The following CAMK1D variants were observed in gnomAD, a reference collection of about 807,000 sequenced individuals.
CAMK1D encodes the protein calcium/calmodulin-dependent protein kinase type 1D.
CAMK1D carries 9 observed loss-of-function variants against 47.7 expected under a neutral mutation model. The ratio of observed to expected loss-of-function variants is 0.19; its 90% confidence interval spans 0.11 to 0.33. CAMK1D has a LOEUF of 0.33. CAMK1D is among the 10% of genes least tolerant of loss of function. The pLI is 1.00. For missense variants in CAMK1D, 291 were observed against 488.7 expected, an observed-to-expected ratio of 0.60 and a Z score of 3.81; for synonymous variants, 184 against 184.9, an observed-to-expected ratio of 0.99 and a Z score of 0.04.
intron 1 of CAMK1D, among the ~76,000 whole-genome samples, chr10:12,504,742 G>GCCA (rs1484249591): frequency 6.6e-5 from 10 of 152,196 alleles, no homozygotes; most frequent in South Asian, 2.1e-4. Flanking sequence ...GTACCTTTAG[G>GCCA]CTACTTTCTC....
chr10:12,791,016 G>A (rs1588932260), intron 5 of CAMK1D, 142 bp from the exon 6 acceptor site: 1 of 628,128 alleles, frequency 1.6e-6, no homozygotes. Flanking sequence ...AAAAAAAAAA[G>A]CCAACACATA....
Position 12,415,461 on chromosome 10 carries a change from T to C in CAMK1D, c.92+65551T>C, listed in dbSNP as rs868028745. 2.5e-3 allele frequency among the ~76,000 whole-genome samples: 357 copies of C among 144,018 alleles called. 2 individuals are homozygous for C. The highest frequency in any genetic ancestry group is 8.5e-3 in the African/African-American group (341 of 39,988). 94.5% of individuals were successfully genotyped at this position (144,018 alleles called of 152,430 possible). ...CCACCACCACGCCTGGCTAATTTTT[T>C]TTTTTTTTTTTTTTTTTTAGTAGAG... On this transcript the variant is annotated intron_variant, in intron 1 of 10. Transcript: ENST00000619168.
chr10:12,558,718 G>A (rs1266241885), intron 2 of CAMK1D, among the ~76,000 whole-genome samples: 2 of 152,154 alleles, frequency 1.3e-5, no homozygotes, highest in Admixed American at 1.3e-4. Flanking sequence ...TGTGTCTGGA[G>A]CAGCCCATTT....
chr10:12,509,659 G>A lies in CAMK1D; in HGVS notation c.93-43566G>A, dbSNP rs187361280. Among the ~76,000 whole-genome samples the A allele has an allele frequency of 4.3e-3, 651 of 152,338 alleles. 6 individuals are homozygous for A. The highest frequency in any genetic ancestry group is 6.8e-3 in the Middle Eastern group (2 of 294). ...TCAGCTACTCAGGAAGCTGAGGTGG[G>A]AGGATGAATTGAGCCTGGGAGGTTG... On this transcript the variant is annotated intron_variant, in intron 1 of 10. Transcript: ENST00000619168.
intron 2 of CAMK1D, among the ~76,000 whole-genome samples, chr10:12,592,555 C>T (rs1293901808): frequency 1.3e-5 from 2 of 152,164 alleles, no homozygotes. Flanking sequence ...CCACCCAACC[C>T]CCCATTCTCT....
At chr10:12,388,227 A>G (rs1838593495) in intron 1 of CAMK1D, among the ~76,000 whole-genome samples, 1 of 152,146 alleles carries the variant, frequency 6.6e-6, no homozygotes, top group African/African-American at 2.4e-5. Flanking sequence ...GGGTTTTGTC[A>G]TGTTGGCCAG....
chr10:12,575,195 C>T lies in CAMK1D; in HGVS notation c.224+21839C>T, dbSNP rs531171799. Among the ~76,000 whole-genome samples the T allele has an allele frequency of 1.4e-4, 21 of 152,230 alleles. No homozygotes were observed. In the South Asian group the frequency reaches 2.1e-3, roughly 15 times the overall value. ...GCAACCTCTGCTGCCCAGGTTCAAG[C>T]GATTCTCCTGCCTCAGCCTCGCAAG... On this transcript the variant is annotated intron_variant, in intron 2 of 10. Transcript: ENST00000619168.
Position 12,370,807 on chromosome 10 carries a change from C to T in CAMK1D, c.92+20897C>T, listed in dbSNP as rs138049160. ...TACTTTAGTAGAGACGGGGTTTCAC[C>T]GTGCTGGCCAGGCTGGTCTCGAACT... On this transcript the variant is annotated intron_variant, in intron 1 of 10. Coordinates refer to ENST00000619168, the MANE Select transcript of CAMK1D (RefSeq NM_153498.4). Among the ~76,000 whole-genome samples, 957 of 152,208 alleles carry T rather than the reference C, an allele frequency of 6.3e-3. 14 individuals carry two copies. The highest frequency in any genetic ancestry group is 0.022 in the African/African-American group (919 of 41,524).
intron 1 of CAMK1D, among the ~76,000 whole-genome samples, chr10:12,506,698 G>C (rs1323038243): frequency 6.6e-6 from 1 of 151,726 alleles, no homozygotes; most frequent in Non-Finnish European, 1.5e-5. Flanking sequence ...TTTTGTATTT[G>C]TAGTAGAGAC....
At chr10:12,637,491 C>T (rs570595343) in intron 2 of CAMK1D, among the ~76,000 whole-genome samples, 1 of 152,192 alleles carries the variant, frequency 6.6e-6, no homozygotes, top group South Asian at 2.1e-4. Context: ...GACATCCATT[C>T]ACTTCTTTAT....
chr10:12,382,491 A>G (rs1488391482), intron 1 of CAMK1D, among the ~76,000 whole-genome samples: 1 of 152,168 alleles, frequency 6.6e-6, no homozygotes, highest in Non-Finnish European at 1.5e-5. Context: ...ACCCAGACAT[A>G]AAAATGCTAA....
At chr10:12,768,706 G>GA (rs1221335459) in intron 4 of CAMK1D, among the ~76,000 whole-genome samples, 1,422 of 133,296 alleles carry the variant, frequency 0.011, 6 homozygotes, top group East Asian at 0.058. Flanking sequence ...CAGCTCTTCA[G>GA]AAAAAAAAAA....
At chr10:12,414,074 C>T (rs1410493120) in intron 1 of CAMK1D, among the ~76,000 whole-genome samples, 1 of 152,106 alleles carries the variant, frequency 6.6e-6, no homozygotes, top group Non-Finnish European at 1.5e-5. Context: ...CATCCAGTTC[C>T]CTGATAGTTG....
At chr10:12,631,926 T>C (rs1047125733) in intron 2 of CAMK1D, among the ~76,000 whole-genome samples, 8 of 152,202 alleles carry the variant, frequency 5.3e-5, no homozygotes, top group Non-Finnish European at 1.2e-4. Context: ...TCTGTCTCTC[T>C]TCCCAGCCCT....
intron 2 of CAMK1D, among the ~76,000 whole-genome samples, chr10:12,621,044 G>A (rs1302544096): frequency 2.6e-5 from 4 of 152,174 alleles, no homozygotes; most frequent in Admixed American, 2.0e-4. Context: ...GTGTATATAA[G>A]AGGCTGTCTT....
intron 6 of CAMK1D, among the ~76,000 whole-genome samples, chr10:12,804,869 T>C (rs1838649016): frequency 7.7e-6 from 1 of 129,862 alleles, no homozygotes; most frequent in African/African-American, 2.9e-5. Context: ...GCCTGGGAGT[T>C]CAAGGCTGCA....
chr10:12,551,020 C>T (rs1212946661), intron 1 of CAMK1D, among the ~76,000 whole-genome samples: 2 of 152,172 alleles, frequency 1.3e-5, no homozygotes, highest in East Asian at 1.9e-4. Context: ...AAGGGTGTTC[C>T]CCCTGTTCAG....
At chr10:12,704,218 G>A (rs1173660094) in intron 3 of CAMK1D, among the ~76,000 whole-genome samples, 3 of 152,110 alleles carry the variant, frequency 2.0e-5, no homozygotes, top group African/African-American at 7.2e-5. Context: ...CCTCATTAGG[G>A]CAAGGTTAAA....
intron 1 of CAMK1D, among the ~76,000 whole-genome samples, chr10:12,414,444 G>A (rs1839775487): frequency 6.6e-6 from 1 of 152,164 alleles, no homozygotes; most frequent in Non-Finnish European, 1.5e-5. Context: ...AGAGTGGTTG[G>A]CTGGGAGGAA....
Sources: allele counts gnomAD v4.1 joint callset (sites outside exome capture counted in the v4.1 genomes callset), GRCh38; gene constraint gnomAD v4.1.1; transcripts MANE v1.5; gene names NCBI Gene and HGNC (gene_info 2026-07-23, HGNC 2026-07-21).